LHFPL2: variants seen among roughly 807,000 people sequenced by gnomAD.
LHFPL2 encodes the protein LHFPL tetraspan subfamily member 2, also known as LHFPL tetraspan subfamily member 2 protein.
LHFPL2 carries 7 observed loss-of-function variants against 17.5 expected under a neutral mutation model. The observed-to-expected ratio is 0.40, with a 90% CI of 0.23 to 0.75. LHFPL2 has a LOEUF of 0.75. LHFPL2 is among the 30% of genes least tolerant of loss of function. LHFPL2 has a pLI of 0.37. For synonymous variants in LHFPL2, 134 were observed against 116.2 expected, an observed-to-expected ratio of 1.15 and a Z score of -0.99; for missense variants, 241 against 294.8, an observed-to-expected ratio of 0.82 and a Z score of 1.34.
At chr5:78,501,534 A>G (rs1044529584) in intron 4 of LHFPL2, among the ~76,000 whole-genome samples, 7 of 152,228 alleles carry the variant, frequency 4.6e-5, no homozygotes, top group African/African-American at 1.7e-4. Flanking sequence ...CATGGTAAGG[A>G]GGCTCTGAGT....
At chr5:78,537,927 G>A (rs1415749917) in intron 3 of LHFPL2, among the ~76,000 whole-genome samples, 1 of 152,222 alleles carries the variant, frequency 6.6e-6, no homozygotes, top group Non-Finnish European at 1.5e-5. Flanking sequence ...ATAAACGCAT[G>A]ATTTACCTAT....
At chr5:78,603,700 A>C (rs1408129762) in intron 2 of LHFPL2, among the ~76,000 whole-genome samples, 1 of 150,610 alleles carries the variant, frequency 6.6e-6, no homozygotes, top group African/African-American at 2.4e-5. Context: ...GGAAACAAGC[A>C]AGACCCTATT....
chr5:78,522,766 A>G (rs1022005509), intron 3 of LHFPL2, among the ~76,000 whole-genome samples: 2 of 152,202 alleles, frequency 1.3e-5, no homozygotes, highest in African/African-American at 4.8e-5. Flanking sequence ...TATAATAAAG[A>G]CCTGAGCCAC....
In LHFPL2 at chr5:78,602,036, CT is replaced by C. The variant is rs568013842; in HGVS notation, c.-245+30227del. The stretch of plus-strand genomic sequence containing the variant: ...CGCAGACACAACTTTAGACTTCCCC[CT>C]ACTCCTCTCAAAAAAACTCATGAAA... On this transcript the variant is annotated intron_variant, in intron 2 of 4. Transcript: ENST00000380345. Among the ~76,000 whole-genome samples the C allele has an allele frequency of 2.1e-3, 325 of 152,248 alleles. 2 individuals carry two copies. Among genetic ancestry groups the C allele is most frequent in the African/African-American group, 7.3e-3 (305 of 41,540 alleles).
At chr5:78,647,895 C>G (rs1000840795) in intron 1 of LHFPL2, among the ~76,000 whole-genome samples, 2 of 152,192 alleles carry the variant, frequency 1.3e-5, no homozygotes, top group African/African-American at 4.8e-5. Flanking sequence ...GTCCTTTGCC[C>G]AGCCCGTGGG....
At chr5:78,503,945 C>T (rs1754854907) in intron 4 of LHFPL2, among the ~76,000 whole-genome samples, 1 of 152,172 alleles carries the variant, frequency 6.6e-6, no homozygotes. Flanking sequence ...GGTCTCTGCA[C>T]ATAGTAGGCA....
At chr5:78,535,078 G>C (rs1036804586) in intron 3 of LHFPL2, among the ~76,000 whole-genome samples, 3 of 152,238 alleles carry the variant, frequency 2.0e-5, no homozygotes, top group African/African-American at 7.2e-5. Context: ...CCATTTTCTA[G>C]TGTTCTAGAA....
At chr5:78,534,990 T>C (rs770618622) in intron 3 of LHFPL2, among the ~76,000 whole-genome samples, 2 of 152,242 alleles carry the variant, frequency 1.3e-5, no homozygotes, top group African/African-American at 4.8e-5. Flanking sequence ...AAAGCTTTAA[T>C]GGCATTTTGT....
intron 3 of LHFPL2, among the ~76,000 whole-genome samples, chr5:78,512,068 T>C (rs1297205985): frequency 6.6e-6 from 1 of 152,116 alleles, no homozygotes; most frequent in Non-Finnish European, 1.5e-5. Flanking sequence ...CCCAGCACAG[T>C]GCCTGGCAGA....
intron 1 of LHFPL2, among the ~76,000 whole-genome samples, chr5:78,643,503 GT>G (rs200616338): frequency 4.7e-5 from 7 of 148,926 alleles, no homozygotes; most frequent in South Asian, 2.1e-4. Flanking sequence ...AAAAATTGCT[GT>G]TTTTTTTTAA....
intron 3 of LHFPL2, among the ~76,000 whole-genome samples, chr5:78,553,915 G>A (rs1457725945): frequency 6.6e-6 from 1 of 152,240 alleles, no homozygotes; most frequent in African/African-American, 2.4e-5. Context: ...TGATTATAAT[G>A]GTTTGTCAGT....
chr5:78,632,215 G>A (rs371366331), intron 2 of LHFPL2, 49 bp downstream of exon 2: 12 of 152,084 alleles, frequency 7.9e-5, no homozygotes, highest in African/African-American at 2.7e-4. Context: ...TGAGAACATC[G>A]GGTGGTTATC....
intron 1 of LHFPL2, among the ~76,000 whole-genome samples, chr5:78,646,847 C>T (rs1433019377): frequency 6.6e-6 from 1 of 152,172 alleles, no homozygotes; most frequent in Non-Finnish European, 1.5e-5. Context: ...AGACAAATGA[C>T]TGGTTCACAT....
intron 4 of LHFPL2, chr5:78,494,340 G>C: frequency 1.0e-6 from 1 of 984,614 alleles, no homozygotes; most frequent in Non-Finnish European, 1.2e-6. Flanking sequence ...AGAAGCCATA[G>C]GTCACCTGGA....
intron 2 of LHFPL2, among the ~76,000 whole-genome samples, chr5:78,579,751 C>A (rs1260952484): frequency 6.6e-6 from 1 of 152,126 alleles, no homozygotes; most frequent in African/African-American, 2.4e-5. Context: ...CATTGTTGGA[C>A]ATTTGGGTTG....
At chr5:78,597,593 G>A (rs1743870893) in intron 2 of LHFPL2, among the ~76,000 whole-genome samples, 1 of 151,762 alleles carries the variant, frequency 6.6e-6, no homozygotes, top group African/African-American at 2.4e-5. Flanking sequence ...TGGAAAGTCA[G>A]GAAACTCTAA....
chr5:78,559,576 C>A (rs911451857), intron 3 of LHFPL2, among the ~76,000 whole-genome samples: 1 of 152,188 alleles, frequency 6.6e-6, no homozygotes, highest in Non-Finnish European at 1.5e-5. Context: ...GAACTACATC[C>A]ATTTTGTCTT....
At chr5:78,532,634 C>T (rs1755820287) in intron 3 of LHFPL2, among the ~76,000 whole-genome samples, 1 of 152,102 alleles carries the variant, frequency 6.6e-6, no homozygotes, top group Admixed American at 6.6e-5. Context: ...CTGATACATG[C>T]AGTTCTTCAC....
At chr5:78,592,670 TACACAC>T (rs371054360) in intron 2 of LHFPL2, among the ~76,000 whole-genome samples, 897 of 55,828 alleles carry the variant, frequency 0.016, 22 homozygotes, top group African/African-American at 0.047. Flanking sequence ...AAAATTCAGA[TACACAC>T]ACACACACAC....
Sources: allele counts gnomAD v4.1 joint callset (sites outside exome capture counted in the v4.1 genomes callset), GRCh38; gene constraint gnomAD v4.1.1; transcripts MANE v1.5; gene names NCBI Gene and HGNC (gene_info 2026-07-23, HGNC 2026-07-21).